Variants in JAZF1 observed in about 807,000 individuals in gnomAD.
JAZF1 encodes JAZF zinc finger 1.
In JAZF1, 8 loss-of-function variants were observed where a neutral mutation model predicts 26.4. The ratio of observed to expected loss-of-function variants is 0.30; its 90% CI spans 0.18 to 0.55. The LOEUF is 0.55. JAZF1 is among the 20% of genes least tolerant of loss of function. JAZF1 has a pLI of 0.94. For missense variants in JAZF1, 199 were observed against 322.0 expected (o/e 0.62, Z 2.92); for synonymous variants, 126 against 122.3 (o/e 1.03, Z -0.20).
At chr7:28,042,905 T>G (rs1301625728) in intron 1 of JAZF1, among the ~76,000 whole-genome samples, 1 of 152,204 alleles carries the variant, frequency 6.6e-6, no homozygotes, top group Non-Finnish European at 1.5e-5. Context: ...TGAAATCACC[T>G]AACAATGCAT....
At chr7:28,033,269 A>G (rs1783224407) in intron 1 of JAZF1, among the ~76,000 whole-genome samples, 1 of 152,194 alleles carries the variant, frequency 6.6e-6, no homozygotes. Context: ...ATTTCCAAGG[A>G]GTTAAAGAGG....
chr7:27,861,135 C>G (rs551228314), intron 3 of JAZF1, among the ~76,000 whole-genome samples: 1 of 152,156 alleles, frequency 6.6e-6, no homozygotes, highest in Non-Finnish European at 1.5e-5. Flanking sequence ...ACTCTCAGGT[C>G]GATGCCCACG....
intron 1 of JAZF1, among the ~76,000 whole-genome samples, chr7:28,079,170 T>G (rs1784098173): frequency 6.6e-6 from 1 of 152,072 alleles, no homozygotes; most frequent in Non-Finnish European, 1.5e-5. Flanking sequence ...TTAAAATATT[T>G]TTAGTAGAGA....
In JAZF1 at chr7:27,904,392, T is replaced by C. The variant is rs1784214700; in HGVS notation, c.189-8976A>G. Reference sequence around the variant, plus strand: ...GGCGTATTTGGTTAAAACAGCGAGTTAGTAAAACGACCTAGAAACAGCAAG... The same window carrying C: ...GGCGTATTTGGTTAAAACAGCGAGTCAGTAAAACGACCTAGAAACAGCAAG... On this transcript the variant is annotated intron_variant, in intron 2 of 4. Transcript: ENST00000283928. 3.9e-5 allele frequency among the ~76,000 whole-genome samples: 6 copies of C among 152,330 alleles called. 1 individual carries two copies. The South Asian group carries it at 1.2e-3, about 32-fold the overall frequency.
intron 2 of JAZF1, among the ~76,000 whole-genome samples, chr7:27,912,755 T>C (rs1784379240): frequency 1.3e-5 from 2 of 152,142 alleles, no homozygotes; most frequent in African/African-American, 2.4e-5. Flanking sequence ...CCAGAGCATG[T>C]GGCCCTACAA....
At chr7:28,028,530 C>T (rs1783130665) in intron 1 of JAZF1, among the ~76,000 whole-genome samples, 1 of 152,214 alleles carries the variant, frequency 6.6e-6, no homozygotes, top group Non-Finnish European at 1.5e-5. Context: ...TTCCATTCTG[C>T]TCCATTCCCA....
At chr7:28,158,840 T>C (rs1162225959) in intron 1 of JAZF1, among the ~76,000 whole-genome samples, 1 of 152,202 alleles carries the variant, frequency 6.6e-6, no homozygotes, top group Non-Finnish European at 1.5e-5. Context: ...GGCTTAATGA[T>C]GTCGAGCATT....
At chr7:28,066,833 T>C (rs766242771) in intron 1 of JAZF1, among the ~76,000 whole-genome samples, 12 of 152,098 alleles carry the variant, frequency 7.9e-5, no homozygotes, top group Non-Finnish European at 1.2e-4. Flanking sequence ...AAAATCAGTT[T>C]GTAATTCCAT....
rs1003772493 is a variant in JAZF1 at position 27,832,579 on chromosome 7, T to C, written c.*221A>G. On this transcript the variant is annotated 3_prime_UTR_variant, in exon 5 of 5. Coordinates refer to ENST00000283928, the MANE Select transcript of JAZF1 (RefSeq NM_175061.4). ...AGAGCTTTTTTTGTTTAGCACCTTATATCAAAGTAATGAAAATGGGTATGA... is the reference window on the plus strand; with the variant it reads ...AGAGCTTTTTTTGTTTAGCACCTTACATCAAAGTAATGAAAATGGGTATGA... 5 of 364,400 alleles carry C rather than the reference T, an allele frequency of 1.4e-5. No homozygotes were observed. The highest frequency in any genetic ancestry group is 4.4e-5 in the Admixed American group (1 of 22,928). 22.6% of individuals were successfully genotyped at this position (364,400 alleles called of 1,614,324 possible). A position where few individuals can be genotyped will look rare whatever the true frequency, so the allele number is the denominator to read the frequency against.
At chr7:28,159,167 C>A (rs1189998800) in intron 1 of JAZF1, among the ~76,000 whole-genome samples, 1 of 151,936 alleles carries the variant, frequency 6.6e-6, no homozygotes, top group Non-Finnish European at 1.5e-5. Flanking sequence ...CCTAACTCAG[C>A]TGACATGGAG....
intron 1 of JAZF1, among the ~76,000 whole-genome samples, chr7:28,166,751 T>A (rs932896827): frequency 3.3e-5 from 5 of 152,214 alleles, no homozygotes; most frequent in Non-Finnish European, 5.9e-5. Context: ...AAATTAAGGC[T>A]GCTATATTTT....
intron 3 of JAZF1, among the ~76,000 whole-genome samples, chr7:27,874,942 C>T (rs1202284506): frequency 2.0e-5 from 3 of 148,694 alleles, no homozygotes; most frequent in Non-Finnish European, 4.4e-5. Flanking sequence ...AGAAAAGACC[C>T]GAGGTCCAGG....
intron 1 of JAZF1, among the ~76,000 whole-genome samples, chr7:28,095,196 A>G (rs1393805000): frequency 1.3e-5 from 2 of 152,058 alleles, no homozygotes; most frequent in Non-Finnish European, 2.9e-5. Context: ...CATTCTACAT[A>G]TTTGTTCACT....
chr7:27,990,194 A>G (rs1483485241), intron 2 of JAZF1, among the ~76,000 whole-genome samples: 4 of 152,192 alleles, frequency 2.6e-5, no homozygotes, highest in African/African-American at 9.7e-5. Flanking sequence ...ACAGAAAACC[A>G]AACACCGCAT....
intron 1 of JAZF1, among the ~76,000 whole-genome samples, chr7:28,094,519 T>C (rs2127924046): frequency 6.6e-6 from 1 of 152,282 alleles, no homozygotes; most frequent in South Asian, 2.1e-4. Context: ...ACACATCAGC[T>C]AACTTTTTTG....
intron 1 of JAZF1, among the ~76,000 whole-genome samples, chr7:28,108,557 C>T (rs1051152825): frequency 2.0e-5 from 3 of 152,142 alleles, no homozygotes; most frequent in Non-Finnish European, 4.4e-5. Context: ...TCAAGGAGGG[C>T]CTGTCCTCTG....
At chr7:28,105,112 C>T (rs541882510) in intron 1 of JAZF1, among the ~76,000 whole-genome samples, 8 of 152,018 alleles carry the variant, frequency 5.3e-5, no homozygotes, top group African/African-American at 1.4e-4. Context: ...ATGACATGTC[C>T]GGATTTTTTT....
At chr7:27,988,877 A>G (rs899366722) in intron 2 of JAZF1, among the ~76,000 whole-genome samples, 2 of 146,856 alleles carry the variant, frequency 1.4e-5, no homozygotes, top group African/African-American at 5.0e-5. Context: ...TTGTAATATA[A>G]TTCTTTTATG....
chr7:27,851,136 T>C (rs1583430106), intron 3 of JAZF1, among the ~76,000 whole-genome samples: 1 of 152,104 alleles, frequency 6.6e-6, no homozygotes, highest in Admixed American at 6.5e-5. Flanking sequence ...AGAGACAGGG[T>C]TTCACCATGT....
Sources: gnomAD v4.1 joint callset for allele counts (sites outside exome capture counted in the v4.1 genomes callset) on GRCh38, gnomAD v4.1.1 for gene constraint, MANE v1.5 for transcripts, NCBI Gene and HGNC (gene_info 2026-07-23, HGNC 2026-07-21) for gene names.